The following CLCN5 variants were observed in gnomAD, a reference collection of about 807,000 sequenced individuals.
CLCN5 encodes Cl-/H+ antiporter 5.
Under a neutral mutation model 54.0 loss-of-function variants are expected in CLCN5, and 17 were observed. That is an observed-to-expected ratio of 0.31 (90% CI 0.22 to 0.47). The LOEUF (loss-of-function observed/expected upper bound fraction) is 0.47, where lower values mean the gene tolerates loss of function less well. CLCN5 is among the 20% of genes least tolerant of loss of function. CLCN5 has a pLI of 1.00. For missense variants in CLCN5, 448 were observed against 646.7 expected, an observed-to-expected ratio of 0.69 and a Z score of 3.33; for synonymous variants, 222 against 233.0, an observed-to-expected ratio of 0.95 and a Z score of 0.43.
chrX:49,931,154 C>T (rs1369613106), intron 3 of CLCN5, among the ~76,000 whole-genome samples: 1 of 110,997 alleles, frequency 9.0e-6, no homozygotes, highest in Non-Finnish European at 1.9e-5. Context: ...TTGAGAAAGC[C>T]GAGCAGTTGT....
intron 6 of CLCN5, 99 bp downstream of exon 6, chrX:50,072,687 T>G: frequency 3.2e-6 from 2 of 634,479 alleles, no homozygotes; most frequent in Middle Eastern, 3.0e-4. Flanking sequence ...TTTCCTGTTT[T>G]TCTACCTTAA....
chrX:50,090,618 G>A (rs1335707978), intron 13 of CLCN5, 52 bp from the exon 14 acceptor site: 1 of 1,159,600 alleles, frequency 8.6e-7, no homozygotes, highest in African/African-American at 1.8e-5. Context: ...GAGCCAGAAG[G>A]ATAGAGCTAG....
chrX:49,951,330 G>A lies in CLCN5; in HGVS notation c.16+26016G>A, dbSNP rs200058625. ...ATACATTGGATTAAAGTTTGCTGTT[G>A]TAGCCATTAAGTCTCTAAGGTGACA... On this transcript the variant is annotated intron_variant, in intron 3 of 14. Transcript: ENST00000376091. Among the ~76,000 whole-genome samples the A allele has an allele frequency of 6.2e-5, 7 of 112,031 alleles. No individual in the cohort carries two copies. In the East Asian group the frequency reaches 1.7e-3, roughly 27 times the overall value.
chrX:50,042,321 A>G lies in CLCN5; in HGVS notation c.22A>G (p.Met8Val), dbSNP rs781863873. 2.6e-6 allele frequency: 3 copies of G among 1,155,219 alleles called. No individual in the cohort carries two copies. The highest frequency in any genetic ancestry group is 3.5e-6 in the Non-Finnish European group (3 of 862,713). The part of the protein sequence containing the change: MAMWQGA[M>V]DNRGFQQGSF... ...CTATTTTTCTTTCTGCACAGGTGCC[A>G]TGGATAACAGAGGCTTTCAGCAGGG... Residue 8 changes from methionine (M) to valine (V), a missense_variant, in exon 4 of 15, where the codon ATG becomes GTG. Physicochemically the swap from Met to Val is conservative, Grantham distance 21 (BLOSUM62 1). Around this residue, in one of 5 missense-constraint regions of CLCN5, gnomAD observed 69 missense variants for 60.9 expected, o/e 1.13. Transcript: ENST00000376091.
Position 50,095,569 on chromosome X carries a change from A to G in CLCN5, c.*3350A>G, listed in dbSNP as rs1289756848. The G allele has an allele frequency of 8.9e-6, 1 of 112,641 alleles. No homozygotes were observed. The highest frequency in any genetic ancestry group is 3.2e-5 in the African/African-American group (1 of 31,013). 9.3% of individuals were successfully genotyped at this position (112,641 alleles called of 1,213,427 possible). The stretch of plus-strand genomic sequence containing the variant: ...AAACGATTAATTTGTGATTGAACTG[A>G]AAAGCAGTTGAATTGTTTTGACACC... On this transcript the variant is annotated 3_prime_UTR_variant, in exon 15 of 15. Transcript: ENST00000376091.
intron 3 of CLCN5, among the ~76,000 whole-genome samples, chrX:49,991,415 A>C (rs1174132296): frequency 9.0e-6 from 1 of 110,664 alleles, no homozygotes; most frequent in Non-Finnish European, 1.9e-5. Flanking sequence ...TTTTTTCTTG[A>C]TTTGTTCGAG....
intron 3 of CLCN5, among the ~76,000 whole-genome samples, chrX:50,005,881 A>T (rs1417046359): frequency 8.9e-6 from 1 of 112,478 alleles, no homozygotes; most frequent in Non-Finnish European, 1.9e-5. Flanking sequence ...TAAAGACCAT[A>T]TTTGCCTCTG....
chrX:50,069,768 C>T (rs1424049773), intron 4 of CLCN5, 111 bp from the exon 5 acceptor site: 19 of 1,071,172 alleles, frequency 1.8e-5, no homozygotes, highest in Non-Finnish European at 2.3e-5. Context: ...TTTATCAACC[C>T]CAACTGTAGT....
chrX:49,956,609 C>A (rs374640386), intron 3 of CLCN5, among the ~76,000 whole-genome samples: 6 of 111,507 alleles, frequency 5.4e-5, no homozygotes, highest in East Asian at 5.6e-4. Flanking sequence ...AAGTATAACC[C>A]TTTCCCCACT....
intron 4 of CLCN5, among the ~76,000 whole-genome samples, chrX:50,045,793 A>G (rs1932371821): frequency 8.9e-6 from 1 of 112,325 alleles, no homozygotes; most frequent in African/African-American, 3.2e-5. Context: ...CCCACTCTGT[A>G]GTGATATAAC....
intron 4 of CLCN5, among the ~76,000 whole-genome samples, chrX:50,062,978 A>G (rs1377837025): frequency 1.8e-5 from 2 of 110,495 alleles, no homozygotes; most frequent in Non-Finnish European, 3.8e-5. Flanking sequence ...AAGACACAAC[A>G]TACCAGAATC....
chrX:49,957,307 G>GA (rs1359440250), intron 3 of CLCN5, among the ~76,000 whole-genome samples: 12 of 108,797 alleles, frequency 1.1e-4, no homozygotes, highest in African/African-American at 2.0e-4. Context: ...CTCTATAAAA[G>GA]AAAAAAAAAT....
chrX:50,007,265 C>T (rs1930197729), intron 3 of CLCN5, among the ~76,000 whole-genome samples: 1 of 112,128 alleles, frequency 8.9e-6, no homozygotes, highest in African/African-American at 3.2e-5. Flanking sequence ...GGGAGGCCCA[C>T]ATGTGGCTGG....
intron 3 of CLCN5, among the ~76,000 whole-genome samples, chrX:49,984,149 A>G (rs1928876338): frequency 8.9e-6 from 1 of 111,883 alleles, no homozygotes; most frequent in South Asian, 3.7e-4. Context: ...AAAATTAGAA[A>G]CAAATGTTGA....
Position 50,086,864 on chromosome X carries a change from C to T in CLCN5, c.1551C>T (p.Gly517=). The T allele has an allele frequency of 8.3e-7, 1 of 1,209,653 alleles. No individual in the cohort carries two copies. The highest frequency in any genetic ancestry group is 1.1e-6 in the Non-Finnish European group (1 of 893,994). Residue 517 remains glycine (G), a synonymous_variant, in exon 11 of 15, where the codon GGC becomes GGT. Coordinates refer to ENST00000376091, the MANE Select transcript of CLCN5 (RefSeq NM_001127898.4). ...LKIVITIFTF[G]MKIPSGLFIP... ...TTGTCATTACTATATTCACCTTTGG[C>T]ATGAAGGTGAGGAATTCTTTTGGGA...
At chrX:49,956,285 G>A (rs1354909123) in intron 3 of CLCN5, among the ~76,000 whole-genome samples, 1 of 112,012 alleles carries the variant, frequency 8.9e-6, no homozygotes, top group African/African-American at 3.2e-5. Flanking sequence ...CCCACAAGCA[G>A]TGACTCTGGA....
chrX:50,085,059 G>C (rs1933838265), intron 9 of CLCN5, among the ~76,000 whole-genome samples: 1 of 111,537 alleles, frequency 9.0e-6, no homozygotes, highest in South Asian at 3.8e-4. Context: ...TCATTTTCCT[G>C]AGCCATCCTA....
chrX:50,054,468 G>A (rs2147499706), intron 4 of CLCN5: 1 of 111,829 alleles, frequency 8.9e-6, no homozygotes, highest in Admixed American at 9.5e-5. Flanking sequence ...GATCTTCACT[G>A]TGAGAACTTG....
chrX:50,079,851 A>T (rs986504625), intron 7 of CLCN5, among the ~76,000 whole-genome samples: 1 of 111,132 alleles, frequency 9.0e-6, no homozygotes, highest in Non-Finnish European at 1.9e-5. Flanking sequence ...GGTAGGGTGA[A>T]TAAGTCTAGA....
Sources: allele counts gnomAD v4.1 joint callset (sites outside exome capture counted in the v4.1 genomes callset), GRCh38; gene constraint gnomAD v4.1.1; regional missense constraint gnomAD v4.1.1; transcripts MANE v1.5; gene names NCBI Gene and HGNC (gene_info 2026-07-23, HGNC 2026-07-21).